Variants in CDH12 observed in about 807,000 individuals in gnomAD.
CDH12 encodes the protein cadherin-12.
CDH12 carries 41 observed loss-of-function variants against 74.1 expected under a neutral mutation model. The observed-to-expected ratio is 0.55, with a 90% CI of 0.43 to 0.72. The LOEUF is 0.72. CDH12 is among the 30% of genes least tolerant of loss of function. CDH12 has a pLI of 0.00. For missense variants in CDH12, 945 were observed against 977.2 expected, an observed-to-expected ratio of 0.97 and a Z score of 0.44; for synonymous variants, 399 against 355.0, an observed-to-expected ratio of 1.12 and a Z score of -1.39.
At chr5:21,797,591 C>T (rs763762399) in intron 10 of CDH12, among the ~76,000 whole-genome samples, 23 of 151,730 alleles carry the variant, frequency 1.5e-4, no homozygotes, top group Non-Finnish European at 3.1e-4. Flanking sequence ...GGGCCGACTG[C>T]GACTCATTAG....
intron 4 of CDH12, among the ~76,000 whole-genome samples, chr5:22,129,953 G>A (rs1181785657): frequency 6.6e-6 from 1 of 152,086 alleles, no homozygotes; most frequent in East Asian, 1.9e-4. Flanking sequence ...AATAAGCTGT[G>A]TAATAAAACA....
At chr5:21,918,548 A>T (rs908205186) in intron 6 of CDH12, among the ~76,000 whole-genome samples, 2 of 152,052 alleles carry the variant, frequency 1.3e-5, no homozygotes, top group Admixed American at 6.6e-5. Context: ...AAGGGGAAGC[A>T]AGGCACCTTC....
At chr5:22,137,108 C>T (rs995282556) in intron 4 of CDH12, among the ~76,000 whole-genome samples, 11 of 151,732 alleles carry the variant, frequency 7.2e-5, no homozygotes, top group Non-Finnish European at 1.2e-4. Context: ...ATTTACAAAG[C>T]ACAGTTTCTA....
chr5:21,943,852 A>C (rs1305217395), intron 6 of CDH12, among the ~76,000 whole-genome samples: 1 of 152,174 alleles, frequency 6.6e-6, no homozygotes, highest in African/African-American at 2.4e-5. Flanking sequence ...AAATTATTTA[A>C]AACTTGACAC....
At chr5:22,450,965 T>C (rs1745019333) in intron 2 of CDH12, among the ~76,000 whole-genome samples, 1 of 150,908 alleles carries the variant, frequency 6.6e-6, no homozygotes, top group Non-Finnish European at 1.5e-5. Context: ...AAGCTTAACA[T>C]GCCTGTTTCA....
chr5:22,104,289 G>T (rs142060443), intron 4 of CDH12, among the ~76,000 whole-genome samples: 1 of 152,234 alleles, frequency 6.6e-6, no homozygotes, highest in African/African-American at 2.4e-5. Flanking sequence ...GTAGGCATTT[G>T]AATTAGATTA....
intron 3 of CDH12, among the ~76,000 whole-genome samples, chr5:22,304,931 C>T (rs1738037644): frequency 6.6e-6 from 1 of 152,174 alleles, no homozygotes; most frequent in East Asian, 1.9e-4. Flanking sequence ...TTGGACTTGT[C>T]TGCTGTAAAC....
chr5:21,820,091 G>GA (rs1018827102), intron 8 of CDH12, among the ~76,000 whole-genome samples: 9 of 151,534 alleles, frequency 5.9e-5, no homozygotes, highest in Non-Finnish European at 7.4e-5. Flanking sequence ...CAATATGGGG[G>GA]AAAAAAAATT....
At chr5:22,830,784 T>C (rs1736568888) in intron 1 of CDH12, among the ~76,000 whole-genome samples, 1 of 151,718 alleles carries the variant, frequency 6.6e-6, no homozygotes, top group African/African-American at 2.4e-5. Context: ...AATTTTAATA[T>C]ATTCCATTAG....
chr5:21,927,312 A>G (rs6886905), intron 6 of CDH12, among the ~76,000 whole-genome samples: 115,334 of 152,108 alleles, frequency 0.76, 45,866 homozygotes, highest in East Asian at 0.93. Context: ...CAGGCCGGGC[A>G]CGGTGGCTCA....
chr5:22,432,432 A>T, intron 2 of CDH12, among the ~76,000 whole-genome samples: 1 of 152,018 alleles, frequency 6.6e-6, no homozygotes, highest in Non-Finnish European at 1.5e-5. Context: ...CTGTTTTATT[A>T]TTTATGTTGG....
chr5:22,635,203 T>C (rs890413930), intron 1 of CDH12, among the ~76,000 whole-genome samples: 6 of 152,146 alleles, frequency 3.9e-5, no homozygotes, highest in Non-Finnish European at 7.3e-5. Flanking sequence ...ACTTTTATGT[T>C]TATCCAATTT....
chr5:22,445,747 A>AGT lies in CDH12; in HGVS notation c.-427-40397_-427-40396insAC, dbSNP rs1292759980. The stretch of plus-strand genomic sequence containing the variant: ...ACTGCCCCTGTCCTGGTGATTCAGC[A>AGT]GGGCACCCTGTGGGCATACTGCTGT... On this transcript the variant is annotated intron_variant, in intron 2 of 14. Transcript: ENST00000382254. 2.0e-5 allele frequency among the ~76,000 whole-genome samples: 3 copies of AGT among 152,122 alleles called. No homozygotes were observed. In the East Asian group the frequency reaches 5.8e-4, roughly 29 times the overall value.
At chr5:22,552,906 C>A (rs181200683) in intron 1 of CDH12, among the ~76,000 whole-genome samples, 1 of 152,192 alleles carries the variant, frequency 6.6e-6, no homozygotes, top group African/African-American at 2.4e-5. Context: ...ACAAGAGCAG[C>A]TGCTAAGAAC....
chr5:22,511,747 C>T (rs865983343), intron 1 of CDH12, among the ~76,000 whole-genome samples: 4 of 152,182 alleles, frequency 2.6e-5, no homozygotes, highest in Admixed American at 6.5e-5. Flanking sequence ...CATGTCTAAA[C>T]AAAGTCTTGC....
rs944522110 is a variant in CDH12 at position 21,995,481 on chromosome 5, G to T, written c.232-20096C>A. Among the ~76,000 whole-genome samples the T allele has an allele frequency of 3.6e-4, 54 of 151,918 alleles. 1 individual carries two copies. Among genetic ancestry groups the T allele is most frequent in the Admixed American group, 2.6e-3 (40 of 15,212 alleles). On this transcript the variant is annotated intron_variant, in intron 5 of 14. Coordinates refer to ENST00000382254, the MANE Select transcript of CDH12 (RefSeq NM_004061.5). ...ATTCATTAGTTTTACTGTGCTCCAT[G>T]CCAGTATTCTCCAACTCAGCCATCC...
chr5:22,007,466 A>G (rs1463427329), intron 5 of CDH12, among the ~76,000 whole-genome samples: 1 of 152,124 alleles, frequency 6.6e-6, no homozygotes, highest in East Asian at 1.9e-4. Flanking sequence ...TTTTAGTTAA[A>G]AAAATAGTAA....
chr5:22,003,911 G>A lies in CDH12; in HGVS notation c.232-28526C>T, dbSNP rs1172801036. 7.6e-5 allele frequency among the ~76,000 whole-genome samples: 11 copies of A among 144,952 alleles called. No individual in the cohort carries two copies. The East Asian group carries it at 2.2e-3, about 29-fold the overall frequency. ...TAAGAAGTGTCTTTTTTAATTTAAA[G>A]CTTCATGCTATGTTAAAACGTTTTT... On this transcript the variant is annotated intron_variant, in intron 5 of 14. Coordinates refer to ENST00000382254, the MANE Select transcript of CDH12 (RefSeq NM_004061.5).
intron 1 of CDH12, among the ~76,000 whole-genome samples, chr5:22,788,983 A>G (rs2126376104): frequency 6.6e-6 from 1 of 152,062 alleles, no homozygotes; most frequent in East Asian, 1.9e-4. Context: ...TTTCAAAAAA[A>G]CTTTAAATTA....
Sources: allele counts gnomAD v4.1 joint callset (sites outside exome capture counted in the v4.1 genomes callset), GRCh38; gene constraint gnomAD v4.1.1; transcripts MANE v1.5; gene names NCBI Gene and HGNC (gene_info 2026-07-23, HGNC 2026-07-21).